SHB: variants seen among roughly 807,000 people sequenced by gnomAD.
The protein encoded by SHB is SH2 domain containing adaptor protein B, also known as SH2 domain-containing adapter protein B.
In SHB, 20 loss-of-function variants were observed where a neutral mutation model predicts 52.3. That is an observed-to-expected ratio of 0.38 (90% CI 0.27 to 0.56). SHB has a LOEUF of 0.56. Ranked by LOEUF, SHB falls within the 20% of genes least tolerant of loss-of-function variation. The pLI, the probability that SHB is intolerant of heterozygous loss-of-function variation, is 0.71. For missense variants in SHB, 825 were observed against 723.3 expected (o/e 1.14, Z -1.61); for synonymous variants, 397 against 316.5 (o/e 1.25, Z -2.70).
At chr9:38,020,634 G>A (rs1045430182) in intron 1 of SHB, among the ~76,000 whole-genome samples, 5 of 152,162 alleles carry the variant, frequency 3.3e-5, no homozygotes, top group African/African-American at 9.7e-5. Context: ...AATCATGTGG[G>A]CTGGCTCCAG....
chr9:38,054,509 C>T (rs1477787462), intron 1 of SHB, among the ~76,000 whole-genome samples: 2 of 152,212 alleles, frequency 1.3e-5, no homozygotes, highest in African/African-American at 4.8e-5. Flanking sequence ...TAGCCTATTA[C>T]TTCATGCCCA....
At chr9:38,014,341 G>C (rs984039340) in intron 2 of SHB, among the ~76,000 whole-genome samples, 2 of 152,230 alleles carry the variant, frequency 1.3e-5, no homozygotes, top group Non-Finnish European at 2.9e-5. Context: ...GGTGCAGGCC[G>C]CAGGCCACAG....
chr9:38,032,476 G>C (rs1002529565), intron 1 of SHB, among the ~76,000 whole-genome samples: 9 of 152,196 alleles, frequency 5.9e-5, no homozygotes, highest in Non-Finnish European at 1.2e-4. Flanking sequence ...CAGCAGCTTT[G>C]CCAGCTTGGC....
chr9:38,038,602 C>G (rs1406581127), intron 1 of SHB, among the ~76,000 whole-genome samples: 3 of 152,158 alleles, frequency 2.0e-5, no homozygotes, highest in Admixed American at 2.0e-4. Flanking sequence ...GAAATGTGCT[C>G]AATGTCACAC....
At chr9:38,053,921 T>C (rs1405012641) in intron 1 of SHB, among the ~76,000 whole-genome samples, 1 of 152,216 alleles carries the variant, frequency 6.6e-6, no homozygotes. Context: ...CCAAATGCCT[T>C]ACCATCTGTA....
At chr9:37,937,839 G>A (rs1692149035) in intron 5 of SHB, among the ~76,000 whole-genome samples, 1 of 152,086 alleles carries the variant, frequency 6.6e-6, no homozygotes, top group African/African-American at 2.4e-5. Flanking sequence ...GACTTCTGGG[G>A]GCTCTACCAG....
chr9:38,009,145 T>TC (rs1821106513), intron 2 of SHB, among the ~76,000 whole-genome samples: 1 of 152,156 alleles, frequency 6.6e-6, no homozygotes, highest in African/African-American at 2.4e-5. Context: ...CATTTGCCGG[T>TC]CTCCGGGAGA....
chr9:37,963,341 A>G (rs1251713200), intron 3 of SHB, among the ~76,000 whole-genome samples: 1 of 152,174 alleles, frequency 6.6e-6, no homozygotes, highest in Non-Finnish European at 1.5e-5. Context: ...AGAGGCAATA[A>G]AGGTTGGAAT....
chr9:37,961,832 T>C (rs1045870706), intron 3 of SHB, among the ~76,000 whole-genome samples: 6 of 152,250 alleles, frequency 3.9e-5, no homozygotes, highest in African/African-American at 1.2e-4. Context: ...CACTGGCCTC[T>C]GCAACACTGA....
chr9:37,970,566 C>T (rs1234103574), intron 3 of SHB, among the ~76,000 whole-genome samples: 1 of 152,184 alleles, frequency 6.6e-6, no homozygotes, highest in East Asian at 1.9e-4. Context: ...AGCTGGAAGG[C>T]ACTTTTGCTT....
At position 38,040,653 on chromosome 9, in the gene SHB, G is replaced by T. The variant is rs150195907; in HGVS notation, c.718-24522C>A. Among the ~76,000 whole-genome samples the T allele has an allele frequency of 2.6e-5, 4 of 152,240 alleles. No homozygotes were observed. The East Asian group carries it at 7.7e-4, about 29-fold the overall frequency. Reference sequence around the variant, plus strand: ...CGGTCTTTCCTGGGCTCAGGCAGGGGTATCAGCAATAGGGCACACTACGGT... The same window carrying T: ...CGGTCTTTCCTGGGCTCAGGCAGGGTTATCAGCAATAGGGCACACTACGGT... On this transcript the variant is annotated intron_variant, in intron 1 of 5. Transcript: ENST00000377707.
At chr9:37,941,678 T>C (rs1300299078) in intron 5 of SHB, among the ~76,000 whole-genome samples, 1 of 152,196 alleles carries the variant, frequency 6.6e-6, no homozygotes, top group Non-Finnish European at 1.5e-5. Context: ...GGCTGGGGAA[T>C]ACAGTGACCT....
At chr9:37,922,116 C>T (rs1434901510) in intron 5 of SHB, among the ~76,000 whole-genome samples, 1 of 152,198 alleles carries the variant, frequency 6.6e-6, no homozygotes, top group Non-Finnish European at 1.5e-5. Context: ...TTGTGATTCT[C>T]ACAGATCTAT....
intron 5 of SHB, among the ~76,000 whole-genome samples, chr9:37,925,110 C>T (rs1484669624): frequency 6.6e-6 from 1 of 152,208 alleles, no homozygotes; most frequent in African/African-American, 2.4e-5. Flanking sequence ...GCACTGTGCC[C>T]ATCACCCATC....
intron 3 of SHB, among the ~76,000 whole-genome samples, chr9:37,960,679 G>A (rs968364922): frequency 1.3e-5 from 2 of 152,168 alleles, no homozygotes; most frequent in Non-Finnish European, 2.9e-5. Context: ...CTCCCATCTG[G>A]ATTGGTCCCC....
chr9:37,927,947 TCTC>T (rs1256723985), intron 5 of SHB, among the ~76,000 whole-genome samples: 10 of 144,980 alleles, frequency 6.9e-5, no homozygotes, highest in South Asian at 2.2e-4. Context: ...TTTCTCTTTC[TCTC>T]TTTTTTTTTT....
At chr9:37,983,130 A>T (rs1397603967) in intron 2 of SHB, among the ~76,000 whole-genome samples, 1 of 152,200 alleles carries the variant, frequency 6.6e-6, no homozygotes, top group Non-Finnish European at 1.5e-5. Context: ...AGCTCCCAAC[A>T]GGGACAGACA....
At chr9:38,054,779 C>T (rs557704642) in intron 1 of SHB, among the ~76,000 whole-genome samples, 1 of 152,244 alleles carries the variant, frequency 6.6e-6, no homozygotes, top group South Asian at 2.1e-4. Flanking sequence ...AAGAGTTCAA[C>T]CAACGAGTTC....
At chr9:38,016,350 C>T (rs1046556044) in intron 1 of SHB, among the ~76,000 whole-genome samples, 3 of 152,214 alleles carry the variant, frequency 2.0e-5, no homozygotes, top group Non-Finnish European at 2.9e-5. Flanking sequence ...CCTCTGAGCT[C>T]GTGCATGCCT....
Sources: allele counts gnomAD v4.1 joint callset (sites outside exome capture counted in the v4.1 genomes callset), GRCh38; gene constraint gnomAD v4.1.1; transcripts MANE v1.5; gene names NCBI Gene and HGNC (gene_info 2026-07-23, HGNC 2026-07-21).